SOS2: variants seen among roughly 807,000 people sequenced by gnomAD.
SOS2 encodes SOS Ras/Rho guanine nucleotide exchange factor 2.
In SOS2, 65 loss-of-function variants were observed where a neutral mutation model predicts 148.2. The observed-to-expected ratio is 0.44, with a 90% CI of 0.36 to 0.54. SOS2 has a LOEUF of 0.54. Among genes scored for constraint, SOS2 ranks in the 20% least tolerant of loss-of-function variants. SOS2 has a pLI of 0.00. For synonymous variants in SOS2, 539 were observed against 537.1 expected (o/e 1.00, Z -0.05); for missense variants, 1,341 against 1,590.2 (o/e 0.84, Z 2.67).
Position 50,120,263 on chromosome 14 carries a change from C to A in SOS2, c.3489+12G>T. The A allele has an allele frequency of 1.6e-6, 2 of 1,264,014 alleles. No homozygotes were observed. Among genetic ancestry groups the A allele is most frequent in the Non-Finnish European group, 2.3e-6 (2 of 867,570 alleles). 78.3% of individuals were successfully genotyped at this position (1,264,014 alleles called of 1,614,324 possible). ...AACTTTGAATAAGTTGGAGTAAAGT[C>A]CTGTTGATTACCTTGGAATTTGAAG... On this transcript the variant is annotated intron_variant, in intron 22 of 22. Transcript: ENST00000216373.
intron 4 of SOS2, among the ~76,000 whole-genome samples, chr14:50,190,613 C>T (rs887123853): frequency 3.3e-5 from 5 of 152,154 alleles, no homozygotes; most frequent in Non-Finnish European, 5.9e-5. Context: ...AACCCCAGTT[C>T]TAAAATCATG....
chr14:50,219,839 G>A (rs571388407), intron 1 of SOS2, among the ~76,000 whole-genome samples: 2 of 151,980 alleles, frequency 1.3e-5, no homozygotes, highest in African/African-American at 4.8e-5. Flanking sequence ...ACCATTTCTC[G>A]TTTGTTTTTT....
intron 14 of SOS2, among the ~76,000 whole-genome samples, chr14:50,149,634 T>G (rs968618613): frequency 1.3e-5 from 2 of 152,148 alleles, no homozygotes; most frequent in African/African-American, 4.8e-5. Flanking sequence ...GAGCTGTAAA[T>G]GAGAAAAGAA....
rs772264111 is a variant in SOS2 at position 50,199,817 on chromosome 14, T to C, written c.384A>G (p.Leu128=). 4.4e-6 allele frequency: 7 copies of C among 1,594,148 alleles called. No individual in the cohort carries two copies. Among genetic ancestry groups the C allele is most frequent in the Admixed American group, 1.7e-5 (1 of 58,608 alleles). The change falls in exon 4 of 23, where the codon CTA becomes CTG. Residue 128 remains leucine, a synonymous_variant. Coordinates refer to ENST00000216373, the MANE Select transcript of SOS2 (RefSeq NM_006939.4). The stretch of plus-strand genomic sequence containing the variant: ...TATACTCTAGTACAGCCACAATATA[T>C]AGGGATACATGGTAGTCCACTTTGT... ...LGYKVDYHVS[L]YIVAVLEYIS...
chr14:50,145,176 G>A lies in SOS2; in HGVS notation c.2661C>T (p.Thr887=). 4 of 1,467,920 alleles carry A rather than the reference G, an allele frequency of 2.7e-6. No homozygotes were observed. Among genetic ancestry groups the A allele is most frequent in the Non-Finnish European group, 3.6e-6 (4 of 1,106,280 alleles). 90.9% of individuals were successfully genotyped at this position (1,467,920 alleles called of 1,614,324 possible). A position where few individuals can be genotyped will look rare whatever the true frequency, so the allele number is the denominator to read the frequency against. The change falls in exon 16 of 23, where the codon ACC becomes ACT. Residue 887 remains threonine, a synonymous_variant. Transcript: ENST00000216373. ...NSVSVYRLDH[T]FEALQERKRK... is the part of the protein sequence containing the mutation. ...AGTTAAGCCTAAAACTTACCTCAAA[G>A]GTATGGTCTAGTCTGTATACTGACA...
intron 17 of SOS2, among the ~76,000 whole-genome samples, chr14:50,139,235 A>T (rs913987363): frequency 2.6e-5 from 4 of 152,278 alleles, no homozygotes; most frequent in Admixed American, 2.0e-4. Context: ...TTTTTCAGAG[A>T]CTGTAATTTA....
At chr14:50,154,637 C>T (rs890240649) in intron 12 of SOS2, among the ~76,000 whole-genome samples, 1 of 152,086 alleles carries the variant, frequency 6.6e-6, no homozygotes, top group Non-Finnish European at 1.5e-5. Context: ...AACACAACCT[C>T]GCAATAAAAT....
intron 1 of SOS2, among the ~76,000 whole-genome samples, chr14:50,224,302 A>AT (rs1201789313): frequency 1.0e-4 from 8 of 79,868 alleles, no homozygotes; most frequent in Admixed American, 5.7e-4. Context: ...GGAAAAAAAA[A>AT]AAATATATAT....
intron 5 of SOS2, among the ~76,000 whole-genome samples, chr14:50,188,005 G>A (rs1165458808): frequency 1.3e-5 from 2 of 152,100 alleles, no homozygotes; most frequent in Non-Finnish European, 2.9e-5. Context: ...CTAATTTTGT[G>A]CCTAATTTTC....
At chr14:50,214,960 C>A (rs143064595) in intron 1 of SOS2, among the ~76,000 whole-genome samples, 1 of 151,542 alleles carries the variant, frequency 6.6e-6, no homozygotes, top group Non-Finnish European at 1.5e-5. Flanking sequence ...CTCGGCCTCC[C>A]GAGTAGCTGG....
At chr14:50,230,846 A>T (rs762810715) in intron 1 of SOS2, 39 of 995,048 alleles carry the variant, frequency 3.9e-5, no homozygotes, top group African/African-American at 1.2e-4. Flanking sequence ...CCGGCCTGAA[A>T]ATGTGCTTTT....
At chr14:50,219,248 T>C (rs1014089107) in intron 1 of SOS2, among the ~76,000 whole-genome samples, 3 of 152,324 alleles carry the variant, frequency 2.0e-5, no homozygotes, top group African/African-American at 7.2e-5. Context: ...GCAGCTTTAT[T>C]TGAATAGCCA....
intron 21 of SOS2, among the ~76,000 whole-genome samples, chr14:50,124,973 T>C (rs965929171): frequency 2.0e-5 from 3 of 152,242 alleles, no homozygotes; most frequent in African/African-American, 7.2e-5. Flanking sequence ...TTCAAAATAA[T>C]GTCTAGAATT....
Position 50,224,314 on chromosome 14 carries a change from TACACACACACACACACAC to T in SOS2, c.87+6865_87+6882del, listed in dbSNP as rs71118856. ...TCAGGAAAAAAAAAAAATATATATA[TACACACACACACACACAC>T]ACACACACACACACACACACACACA... On this transcript the variant is annotated intron_variant, in intron 1 of 22. Transcript: ENST00000216373. 1.7e-3 allele frequency among the ~76,000 whole-genome samples: 174 copies of T among 101,032 alleles called. 6 individuals are homozygous for T. Among genetic ancestry groups the T allele is most frequent in the Admixed American group, 0.016 (135 of 8,588 alleles). 66.3% of individuals were successfully genotyped at this position (101,032 alleles called of 152,430 possible).
At position 50,199,813 on chromosome 14, in the gene SOS2, T is replaced by C. The variant is rs746148215; in HGVS notation, c.388A>G (p.Ile130Val). Reference protein sequence around the residue: ...YKVDYHVSLYIVAVLEYISAD... With the variant: ...YKVDYHVSLYVVAVLEYISAD... Reference sequence around the variant, plus strand: ...GAGATATACTCTAGTACAGCCACAATATATAGGGATACATGGTAGTCCACT... The same window carrying C: ...GAGATATACTCTAGTACAGCCACAACATATAGGGATACATGGTAGTCCACT... The change falls in exon 4 of 23, where the codon ATT (isoleucine) becomes GTT (valine). Residue 130 changes from isoleucine (I) to valine (V), a missense_variant. By Grantham distance (29) the Ile-to-Val change is conservative. This residue lies in a region of SOS2 where 574 missense variants were observed against 711.1 expected (regional missense o/e 0.81). Coordinates refer to ENST00000216373, the MANE Select transcript of SOS2 (RefSeq NM_006939.4). The C allele has an allele frequency of 1.3e-6, 2 of 1,594,022 alleles. No homozygotes were observed. The highest frequency in any genetic ancestry group is 1.7e-5 in the Admixed American group (1 of 58,874).
At chr14:50,209,840 A>G (rs2139815673) in intron 1 of SOS2, among the ~76,000 whole-genome samples, 1 of 152,300 alleles carries the variant, frequency 6.6e-6, no homozygotes, top group African/African-American at 2.4e-5. Context: ...CATGACTCCT[A>G]GGGAGAAAAC....
At chr14:50,158,491 G>T in intron 11 of SOS2, 74 bp downstream of exon 11, 1 of 827,150 alleles carries the variant, frequency 1.2e-6, no homozygotes, top group Middle Eastern at 3.1e-4. Flanking sequence ...TATTTATTAG[G>T]TACTAGGCAC....
intron 14 of SOS2, among the ~76,000 whole-genome samples, chr14:50,148,433 T>G (rs929459145): frequency 6.6e-6 from 1 of 150,436 alleles, no homozygotes; most frequent in African/African-American, 2.5e-5. Context: ...AAAAAAAATT[T>G]AGTTTACAAA....
At chr14:50,205,540 A>C (rs1178133460) in intron 1 of SOS2, among the ~76,000 whole-genome samples, 1 of 152,206 alleles carries the variant, frequency 6.6e-6, no homozygotes, top group Non-Finnish European at 1.5e-5. Flanking sequence ...ACATCACATC[A>C]CGTGCCACCA....
Sources: allele counts gnomAD v4.1 joint callset (sites outside exome capture counted in the v4.1 genomes callset), GRCh38; gene constraint gnomAD v4.1.1; regional missense constraint gnomAD v4.1.1; transcripts MANE v1.5; gene names NCBI Gene and HGNC (gene_info 2026-07-23, HGNC 2026-07-21).